The following SGCZ variants were observed in gnomAD, a reference collection of about 807,000 sequenced individuals.
SGCZ encodes the protein zeta-sarcoglycan.
SGCZ carries 40 observed loss-of-function variants against 41.3 expected under a neutral mutation model. The ratio of observed to expected loss-of-function variants is 0.97; its 90% CI spans 0.75 to 1.26. The LOEUF is 1.26. SGCZ is among the 50% of genes most tolerant of loss of function. The pLI, the probability that SGCZ is intolerant of heterozygous loss-of-function variation, is 0.00. For missense variants in SGCZ, 552 were observed against 369.8 expected, an observed-to-expected ratio of 1.49 and a Z score of -4.04; for synonymous variants, 206 against 137.5, an observed-to-expected ratio of 1.50 and a Z score of -3.49.
At chr8:14,364,230 T>C (rs1281193812) in intron 2 of SGCZ, among the ~76,000 whole-genome samples, 2 of 152,196 alleles carry the variant, frequency 1.3e-5, no homozygotes, top group African/African-American at 4.8e-5. Flanking sequence ...TAATGTTATG[T>C]AGATATTGTG....
intron 1 of SGCZ, among the ~76,000 whole-genome samples, chr8:15,135,865 C>G (rs1467570077): frequency 6.6e-6 from 1 of 152,172 alleles, no homozygotes; most frequent in Non-Finnish European, 1.5e-5. Context: ...CAGGGCTACC[C>G]CATCCATAAG....
intron 1 of SGCZ, among the ~76,000 whole-genome samples, chr8:14,976,204 G>C (rs1184066217): frequency 6.6e-6 from 1 of 151,772 alleles, no homozygotes; most frequent in Middle Eastern, 3.4e-3. Flanking sequence ...TGTGTTTTTA[G>C]TAGACACATG....
chr8:14,853,547 T>A (rs773843669), intron 1 of SGCZ: 1 of 521,372 alleles, frequency 1.9e-6, no homozygotes, highest in Non-Finnish European at 4.0e-6. Flanking sequence ...CTTGATAAAT[T>A]ATGCAAACAT....
intron 2 of SGCZ, among the ~76,000 whole-genome samples, chr8:14,388,029 G>A (rs929703031): frequency 6.6e-6 from 1 of 152,136 alleles, no homozygotes; most frequent in Non-Finnish European, 1.5e-5. Context: ...AACACACAAG[G>A]TGACTGTGCA....
intron 1 of SGCZ, among the ~76,000 whole-genome samples, chr8:14,573,627 T>G (rs1804625726): frequency 6.6e-6 from 1 of 152,222 alleles, no homozygotes; most frequent in Non-Finnish European, 1.5e-5. Context: ...TTTTATTGTA[T>G]TTATCTTTTC....
At chr8:15,162,073 T>A (rs190935029) in intron 1 of SGCZ, among the ~76,000 whole-genome samples, 4 of 152,300 alleles carry the variant, frequency 2.6e-5, no homozygotes, top group Non-Finnish European at 5.9e-5. Flanking sequence ...GTAAACAGAA[T>A]CAGTTTCTTA....
intron 1 of SGCZ, among the ~76,000 whole-genome samples, chr8:14,786,514 G>C (rs891028127): frequency 1.3e-5 from 2 of 152,060 alleles, no homozygotes; most frequent in African/African-American, 4.8e-5. Flanking sequence ...GTACTATATA[G>C]TGGAATGTAG....
intron 1 of SGCZ, among the ~76,000 whole-genome samples, chr8:14,832,734 T>C (rs1409523468): frequency 6.6e-6 from 1 of 152,172 alleles, no homozygotes; most frequent in Non-Finnish European, 1.5e-5. Context: ...ATATTTATGA[T>C]CTGTGTGCTT....
chr8:14,135,875 A>T (rs985997059), intron 5 of SGCZ, among the ~76,000 whole-genome samples: 6 of 152,176 alleles, frequency 3.9e-5, no homozygotes, highest in Non-Finnish European at 1.5e-5. Flanking sequence ...AAAATACTAT[A>T]GACCCTGGAG....
At chr8:14,260,811 AGT>A (rs1345922744) in intron 3 of SGCZ, among the ~76,000 whole-genome samples, 13 of 152,098 alleles carry the variant, frequency 8.5e-5, no homozygotes, top group Admixed American at 8.5e-4. Flanking sequence ...CATGGATGAA[AGT>A]GGAAATCATC....
At position 14,229,108 on chromosome 8, in the gene SGCZ, G is replaced by T. The variant is rs147034014; in HGVS notation, c.424+8484C>A. Among the ~76,000 whole-genome samples the T allele has an allele frequency of 6.1e-3, 929 of 152,156 alleles. 14 individuals carry two copies. Among genetic ancestry groups the T allele is most frequent in the African/African-American group, 0.021 (879 of 41,528 alleles). ...CCGTCTCTTTCAGGTTTTAGTCTAG[G>T]TCCTCCAGGAAGGAAAATCTCTAGA... On this transcript the variant is annotated intron_variant, in intron 4 of 7. Coordinates refer to ENST00000382080, the MANE Select transcript of SGCZ (RefSeq NM_139167.4).
rs185683813 is a variant in SGCZ, at chr8:15,205,578, G to C, written c.39+32007C>G. Among the ~76,000 whole-genome samples the C allele has an allele frequency of 4.0e-3, 614 of 152,050 alleles. 5 individuals carry two copies. The highest frequency in any genetic ancestry group is 6.5e-3 in the Non-Finnish European group (442 of 67,982). Reference sequence around the variant, plus strand: ...GATACCATCTCATACCAGTCACAATGGCTATTAATAAAAAGTCAAAAAATA... The same window carrying C: ...GATACCATCTCATACCAGTCACAATCGCTATTAATAAAAAGTCAAAAAATA... On this transcript the variant is annotated intron_variant, in intron 1 of 7. Transcript: ENST00000382080.
intron 1 of SGCZ, among the ~76,000 whole-genome samples, chr8:15,210,096 G>A (rs903964244): frequency 2.0e-5 from 3 of 152,060 alleles, no homozygotes; most frequent in Non-Finnish European, 4.4e-5. Context: ...ATGATTCTAA[G>A]AGGACAAGTC....
Position 14,175,023 on chromosome 8 carries a change from A to G in SGCZ, c.425-10321T>C, listed in dbSNP as rs545122709. Among the ~76,000 whole-genome samples the G allele has an allele frequency of 9.9e-5, 15 of 152,270 alleles. No individual in the cohort carries two copies. In the East Asian group the frequency reaches 2.9e-3, roughly 29 times the overall value. ...AACTTGGATATTTTTATTGCCAAAT[A>G]AGAACCTATACCAAAATAAGGATAC... On this transcript the variant is annotated intron_variant, in intron 4 of 7. Coordinates refer to ENST00000382080, the MANE Select transcript of SGCZ (RefSeq NM_139167.4).
At chr8:14,415,241 T>C (rs1399126741) in intron 2 of SGCZ, among the ~76,000 whole-genome samples, 2 of 151,942 alleles carry the variant, frequency 1.3e-5, no homozygotes, top group Admixed American at 6.6e-5. Flanking sequence ...TTTTCAATCA[T>C]ATAAGTTCCA....
chr8:14,183,088 G>A (rs1260078542), intron 4 of SGCZ, among the ~76,000 whole-genome samples: 1 of 150,746 alleles, frequency 6.6e-6, no homozygotes, highest in Non-Finnish European at 1.5e-5. Context: ...CAAATAAATA[G>A]TAATAAAAAA....
intron 1 of SGCZ, among the ~76,000 whole-genome samples, chr8:14,888,074 C>T (rs1295034377): frequency 6.6e-6 from 1 of 151,884 alleles, no homozygotes; most frequent in Non-Finnish European, 1.5e-5. Context: ...CACTCTGTGC[C>T]CCCTAAATAT....
intron 1 of SGCZ, among the ~76,000 whole-genome samples, chr8:15,054,684 G>A (rs1482352869): frequency 2.0e-5 from 3 of 152,126 alleles, no homozygotes; most frequent in Non-Finnish European, 4.4e-5. Flanking sequence ...GCCGGGCGCA[G>A]TGGCTCACAC....
chr8:14,883,947 TAGA>T (rs1423008237), intron 1 of SGCZ, among the ~76,000 whole-genome samples: 1 of 152,098 alleles, frequency 6.6e-6, no homozygotes, highest in Admixed American at 6.6e-5. Flanking sequence ...GGTATGATGA[TAGA>T]AGGAGTATCT....
Sources: allele counts gnomAD v4.1 joint callset (sites outside exome capture counted in the v4.1 genomes callset), GRCh38; gene constraint gnomAD v4.1.1; transcripts MANE v1.5; gene names NCBI Gene and HGNC (gene_info 2026-07-23, HGNC 2026-07-21).